The following FRMPD4 variants were observed in gnomAD, a reference collection of about 807,000 sequenced individuals.
FRMPD4 encodes FERM and PDZ domain containing 4, also known as FERM and PDZ domain-containing protein 4.
In FRMPD4, 22 loss-of-function variants were observed where a neutral mutation model predicts 94.1. The ratio of observed to expected loss-of-function variants is 0.23; its 90% CI spans 0.17 to 0.33. The LOEUF (loss-of-function observed/expected upper bound fraction) is 0.33, where lower values mean the gene tolerates loss of function less well. Among genes scored for constraint, FRMPD4 ranks in the 10% least tolerant of loss-of-function variants. The pLI is 1.00. For missense variants in FRMPD4, 1,111 were observed against 1,339.9 expected (o/e 0.83, Z 2.67); for synonymous variants, 631 against 548.6 (o/e 1.15, Z -2.10).
chrX:12,186,500 A>G (rs2056426422), intron 1 of FRMPD4, among the ~76,000 whole-genome samples: 1 of 111,385 alleles, frequency 9.0e-6, no homozygotes, highest in African/African-American at 3.3e-5. Context: ...TAATAATACA[A>G]TAGTATCCCA....
At chrX:12,161,643 G>A (rs762286311) in intron 1 of FRMPD4, among the ~76,000 whole-genome samples, 1 of 111,684 alleles carries the variant, frequency 9.0e-6, no homozygotes, top group Admixed American at 9.5e-5. Context: ...CCATTGCTCC[G>A]AAGTCCCTAC....
intron 3 of FRMPD4, among the ~76,000 whole-genome samples, chrX:11,974,809 C>T (rs183231250): frequency 4.5e-5 from 5 of 111,237 alleles, no homozygotes; most frequent in Admixed American, 9.5e-5. Context: ...CTGGGAGAGT[C>T]AGCTGCAAAC....
intron 3 of FRMPD4, among the ~76,000 whole-genome samples, chrX:12,001,653 A>G (rs1387575938): frequency 1.8e-5 from 2 of 111,903 alleles, no homozygotes; most frequent in African/African-American, 3.2e-5. Flanking sequence ...AAGTCATCCT[A>G]TCTAGTACAC....
chrX:12,198,072 A>G (rs1475079350), intron 1 of FRMPD4, among the ~76,000 whole-genome samples: 1 of 112,085 alleles, frequency 8.9e-6, no homozygotes, highest in Non-Finnish European at 1.9e-5. Flanking sequence ...AGCACTCATA[A>G]TATAAAACAT....
chrX:12,597,931 G>A (rs949030246), intron 2 of FRMPD4, among the ~76,000 whole-genome samples: 1 of 112,206 alleles, frequency 8.9e-6, no homozygotes, highest in Non-Finnish European at 1.9e-5. Context: ...TTTAAATTAG[G>A]CAACATCCTC....
intron 3 of FRMPD4, among the ~76,000 whole-genome samples, chrX:12,102,882 G>A (rs1409044193): frequency 9.1e-6 from 1 of 110,167 alleles, no homozygotes; most frequent in Non-Finnish European, 1.9e-5. Flanking sequence ...GGCTTGCTCC[G>A]AGAGATGCTA....
At chrX:12,193,791 G>A (rs761279957) in intron 1 of FRMPD4, among the ~76,000 whole-genome samples, 6,946 of 20,786 alleles carry the variant, frequency 0.33, 1,379 homozygotes, top group East Asian at 0.48. Context: ...AGGAAGGAAG[G>A]AAGGAAGGAA....
chrX:12,526,818 T>C (rs982027337), intron 2 of FRMPD4, among the ~76,000 whole-genome samples: 2 of 112,467 alleles, frequency 1.8e-5, no homozygotes, highest in African/African-American at 6.4e-5. Context: ...AAACTATTTC[T>C]TATGCTTTAA....
intron 3 of FRMPD4, among the ~76,000 whole-genome samples, chrX:12,062,695 G>A (rs1021849454): frequency 9.0e-6 from 1 of 111,196 alleles, no homozygotes; most frequent in Non-Finnish European, 1.9e-5. Flanking sequence ...TTGTGCTGTT[G>A]TCAAAAACTC....
chrX:12,385,050 C>A (rs1320121676), intron 1 of FRMPD4, among the ~76,000 whole-genome samples: 1 of 111,876 alleles, frequency 8.9e-6, no homozygotes, highest in African/African-American at 3.3e-5. Flanking sequence ...TTTTTTTCCC[C>A]CATATCTTTT....
chrX:12,102,348 C>T (rs763180910), intron 3 of FRMPD4, among the ~76,000 whole-genome samples: 5 of 111,433 alleles, frequency 4.5e-5, no homozygotes, highest in Non-Finnish European at 9.4e-5. Flanking sequence ...AAGCCGTCAC[C>T]GTGTTTGGCT....
chrX:12,345,081 G>GATGA (rs1242301465), intron 1 of FRMPD4, among the ~76,000 whole-genome samples: 2 of 108,666 alleles, frequency 1.8e-5, no homozygotes, highest in African/African-American at 6.8e-5. Context: ...TGGATTGATG[G>GATGA]ATGAATGAAT....
intron 2 of FRMPD4, among the ~76,000 whole-genome samples, chrX:12,505,749 A>AG (rs869162220): frequency 0.015 from 1,147 of 78,350 alleles, 46 homozygotes; most frequent in Non-Finnish European, 0.018. Context: ...AAAAAAAAAA[A>AG]GGGGGGGAGA....
At chrX:12,084,218 G>A (rs147959641) in intron 3 of FRMPD4, among the ~76,000 whole-genome samples, 26 of 105,244 alleles carry the variant, frequency 2.5e-4, no homozygotes, top group Admixed American at 3.1e-4. Flanking sequence ...GGTCTTTCCT[G>A]TGCTATTCTC....
chrX:12,581,424 T>C (rs1234870953), intron 2 of FRMPD4, among the ~76,000 whole-genome samples: 1 of 85,224 alleles, frequency 1.2e-5, no homozygotes, highest in African/African-American at 4.7e-5. Flanking sequence ...AAATTATTTT[T>C]CAAATTGAAA....
intron 1 of FRMPD4, among the ~76,000 whole-genome samples, chrX:12,142,498 T>C (rs957921638): frequency 2.7e-5 from 3 of 111,359 alleles, no homozygotes; most frequent in African/African-American, 9.8e-5. Context: ...ATATTGCTGA[T>C]AATAGTGAGC....
intron 2 of FRMPD4, among the ~76,000 whole-genome samples, chrX:12,599,412 G>A (rs1283215544): frequency 9.0e-6 from 1 of 111,567 alleles, no homozygotes; most frequent in African/African-American, 3.3e-5. Flanking sequence ...GAAAGGTTTG[G>A]GGTGGTTACA....
chrX:12,013,213 T>C (rs936643204), intron 3 of FRMPD4, among the ~76,000 whole-genome samples: 2 of 112,151 alleles, frequency 1.8e-5, no homozygotes, highest in East Asian at 2.8e-4. Context: ...TATTACATTG[T>C]TTCAGAGGCC....
At chrX:12,095,987 C>T (rs1014494882) in intron 3 of FRMPD4, among the ~76,000 whole-genome samples, 1 of 111,978 alleles carries the variant, frequency 8.9e-6, no homozygotes, top group African/African-American at 3.3e-5. Flanking sequence ...CTGTAAGATT[C>T]ATACCATGAC....
Sources: allele counts gnomAD v4.1 joint callset (sites outside exome capture counted in the v4.1 genomes callset), GRCh38; gene constraint gnomAD v4.1.1; transcripts MANE v1.5; gene names NCBI Gene and HGNC (gene_info 2026-07-23, HGNC 2026-07-21).